TMEM132C: variants seen among roughly 807,000 people sequenced by gnomAD.
The protein encoded by TMEM132C is protein phosphatase 1, regulatory subunit 152.
TMEM132C carries 29 observed loss-of-function variants against 61.4 expected under a neutral mutation model. The observed-to-expected ratio is 0.47, with a 90% CI of 0.35 to 0.64. TMEM132C has a LOEUF of 0.64. TMEM132C is among the 30% of genes least tolerant of loss of function. The probability of loss-of-function intolerance (pLI) is 0.00; values close to 1 mark genes in which losing one functional copy is unlikely to be tolerated. For synonymous variants in TMEM132C, 656 were observed against 633.1 expected (o/e 1.04, Z -0.54); for missense variants, 1,408 against 1,476.9 (o/e 0.95, Z 0.76).
At chr12:128,340,847 CTCTT>C (rs57873919) in intron 1 of TMEM132C, among the ~76,000 whole-genome samples, 23 of 142,154 alleles carry the variant, frequency 1.6e-4, no homozygotes, top group East Asian at 8.1e-4. Flanking sequence ...CTCTCTTTCT[CTCTT>C]TCTTTCTTCC....
At chr12:128,523,350 T>G (rs7307877) in intron 2 of TMEM132C, among the ~76,000 whole-genome samples, 5,427 of 152,268 alleles carry the variant, frequency 0.036, 301 homozygotes, top group African/African-American at 0.12. Context: ...GATGATGGTC[T>G]TGCAATACTG....
At chr12:128,462,684 A>G (rs1174433306) in intron 2 of TMEM132C, among the ~76,000 whole-genome samples, 5 of 152,204 alleles carry the variant, frequency 3.3e-5, no homozygotes, top group South Asian at 2.1e-4. Flanking sequence ...AGAAAAGTAT[A>G]AAGTCCCTAA....
intron 2 of TMEM132C, among the ~76,000 whole-genome samples, chr12:128,452,525 A>C (rs1255952257): frequency 1.3e-5 from 2 of 150,968 alleles, no homozygotes. Context: ...TCTACTAAAA[A>C]TACAAAAATT....
intron 1 of TMEM132C, chr12:128,294,181 C>T (rs542154490): frequency 1.3e-5 from 2 of 154,678 alleles, no homozygotes; most frequent in Non-Finnish European, 2.9e-5. Flanking sequence ...CCTAGCTCAG[C>T]ATCTTCCTCT....
chr12:128,687,773 G>C (rs369092277), intron 5 of TMEM132C, among the ~76,000 whole-genome samples: 1 of 152,204 alleles, frequency 6.6e-6, no homozygotes, highest in Non-Finnish European at 1.5e-5. Flanking sequence ...AATAGCCCTA[G>C]ATTCAGAGGC....
intron 1 of TMEM132C, among the ~76,000 whole-genome samples, chr12:128,361,153 C>T (rs1436590667): frequency 1.3e-5 from 2 of 152,200 alleles, no homozygotes; most frequent in Non-Finnish European, 2.9e-5. Flanking sequence ...GAGGAACTCA[C>T]CTACTCTGTG....
intron 3 of TMEM132C, among the ~76,000 whole-genome samples, chr12:128,574,309 T>C (rs1008441268): frequency 6.6e-6 from 1 of 152,256 alleles, no homozygotes; most frequent in East Asian, 1.9e-4. Context: ...GCACCATTTG[T>C]ATGATAATAG....
chr12:128,586,422 C>T (rs7134639), intron 3 of TMEM132C, among the ~76,000 whole-genome samples: 8,080 of 150,914 alleles, frequency 0.054, 718 homozygotes, highest in African/African-American at 0.18. Context: ...TCTATTTAGC[C>T]GTATATATTT....
intron 2 of TMEM132C, among the ~76,000 whole-genome samples, chr12:128,459,311 A>C (rs1252545664): frequency 6.6e-6 from 1 of 152,218 alleles, no homozygotes; most frequent in East Asian, 1.9e-4. Context: ...ACTGCTGGCC[A>C]TATGAAAGCC....
chr12:128,305,869 C>G (rs1047291807), intron 1 of TMEM132C, among the ~76,000 whole-genome samples: 1 of 152,150 alleles, frequency 6.6e-6, no homozygotes, highest in African/African-American at 2.4e-5. Context: ...CCTGTATAGA[C>G]GATGCCTAGA....
chr12:128,561,954 G>C (rs956934452), intron 3 of TMEM132C, among the ~76,000 whole-genome samples: 6 of 152,172 alleles, frequency 3.9e-5, no homozygotes, highest in African/African-American at 7.2e-5. Flanking sequence ...GAGAGCGAGG[G>C]AGGGCAGTGG....
intron 3 of TMEM132C, among the ~76,000 whole-genome samples, chr12:128,605,130 G>GATAGATAGATAC (rs1157476407): frequency 6.7e-6 from 1 of 149,626 alleles, no homozygotes; most frequent in Admixed American, 6.6e-5. Flanking sequence ...TAGATAGATA[G>GATAGATAGATAC]ATAGATACAT....
At chr12:128,652,703 C>A (rs1593135332) in intron 4 of TMEM132C, among the ~76,000 whole-genome samples, 1 of 152,192 alleles carries the variant, frequency 6.6e-6, no homozygotes, top group Admixed American at 6.5e-5. Context: ...CCTTCTGGAG[C>A]CCCCATTGCT....
chr12:128,415,152 G>A lies in TMEM132C; in HGVS notation c.506G>A (p.Cys169Tyr), dbSNP rs1395696105. ...DDHGAGEKLP[C>Y]LRVFAFRETR... ...CACGGCGCCGGGGAGAAGCTGCCAT[G>A]CCTGAGGGTCTTTGCTTTCCGAGAA... The change falls in exon 2 of 9, where the codon TGC (cysteine) becomes TAC (tyrosine). Residue 169 changes from cysteine (C) to tyrosine (Y), a missense_variant. Cys to Tyr is a radical substitution (Grantham distance 194, BLOSUM62 -2). Coordinates refer to ENST00000435159, the MANE Select transcript of TMEM132C (RefSeq NM_001136103.3). This position sits in a 1 kb window ranked among gnomAD's most constrained non-coding sequence, Gnocchi z 5.8. 3 of 1,610,866 alleles carry A rather than the reference G, an allele frequency of 1.9e-6. No homozygotes were observed. In the East Asian group the frequency reaches 6.7e-5, roughly 36 times the overall value.
rs148366050 is a variant in TMEM132C, at chr12:128,583,269, A to G, written c.1122-32883A>G. ...GTTAAATAGATGCACTTGTGTGCCA[A>G]CATCGTACACTATACAACATATACA... On this transcript the variant is annotated intron_variant, in intron 3 of 8. Transcript: ENST00000435159. 1.4e-3 allele frequency among the ~76,000 whole-genome samples: 211 copies of G among 149,196 alleles called. 1 individual carries two copies. Among genetic ancestry groups the G allele is most frequent in the Non-Finnish European group, 2.1e-3 (138 of 67,164 alleles).
At chr12:128,613,293 C>T (rs1876694122) in intron 3 of TMEM132C, among the ~76,000 whole-genome samples, 1 of 152,164 alleles carries the variant, frequency 6.6e-6, no homozygotes, top group South Asian at 2.1e-4. Context: ...AGATGAGATG[C>T]AACTCCCTAG....
chr12:128,356,488 T>C (rs1419469757), intron 1 of TMEM132C, among the ~76,000 whole-genome samples: 1 of 152,158 alleles, frequency 6.6e-6, no homozygotes, highest in Non-Finnish European at 1.5e-5. Flanking sequence ...TCTTCTCAGT[T>C]AGGAGGAAAT....
intron 4 of TMEM132C, among the ~76,000 whole-genome samples, chr12:128,665,480 C>T (rs1244463747): frequency 1.3e-5 from 2 of 151,196 alleles, no homozygotes; most frequent in African/African-American, 4.9e-5. Context: ...CATAGGCGCA[C>T]ACACACACAG....
intron 2 of TMEM132C, among the ~76,000 whole-genome samples, chr12:128,474,173 C>G (rs1266202770): frequency 6.6e-6 from 1 of 152,204 alleles, no homozygotes; most frequent in African/African-American, 2.4e-5. Context: ...AGTCCCACCC[C>G]AGAGCATCTG....
Sources: gnomAD v4.1 joint callset for allele counts (sites outside exome capture counted in the v4.1 genomes callset) on GRCh38, gnomAD v4.1.1 for gene constraint, Gnocchi (gnomAD v3.1) non-coding constraint, MANE v1.5 for transcripts, NCBI Gene and HGNC (gene_info 2026-07-23, HGNC 2026-07-21) for gene names.